The following GALNT13 variants were observed in gnomAD, a reference collection of about 807,000 sequenced individuals.
GALNT13 encodes the protein UDP-GalNAc:polypeptide N-acetylgalactosaminyltransferase 13.
A neutral mutation model predicts 64.2 loss-of-function variants in GALNT13; 28 were observed. That is an observed-to-expected ratio of 0.44 (90% CI 0.32 to 0.60). The LOEUF (loss-of-function observed/expected upper bound fraction) is 0.60. GALNT13 is among the 20% of genes least tolerant of loss of function. The pLI, the probability that GALNT13 is intolerant of heterozygous loss-of-function variation, is 0.05. For synonymous variants in GALNT13, 214 were observed against 224.6 expected, an observed-to-expected ratio of 0.95 and a Z score of 0.42; for missense variants, 577 against 669.8, an observed-to-expected ratio of 0.86 and a Z score of 1.53.
chr2:153,863,519 AG>A, the GALNT13 span, among the ~76,000 whole-genome samples: 1 of 152,232 alleles, frequency 6.6e-6, no homozygotes, highest in South Asian at 2.1e-4. Context: ...TGCATATAAG[AG>A]GGAGATATTT....
chr2:154,446,537 G>C, intron 12 of GALNT13: 1 of 1,512,282 alleles, frequency 6.6e-7, no homozygotes. Context: ...ACTTGATTTT[G>C]TCATTATTCG....
At chr2:153,178,658 T>C in the GALNT13 span, among the ~76,000 whole-genome samples, 1 of 151,984 alleles carries the variant, frequency 6.6e-6, no homozygotes, top group African/African-American at 2.4e-5. Flanking sequence ...ATCTATGGGT[T>C]GTCTCTTCAT....
intron 3 of GALNT13, among the ~76,000 whole-genome samples, chr2:154,054,046 T>A (rs10179562): frequency 0.05 from 7,644 of 152,238 alleles, 378 homozygotes; most frequent in African/African-American, 0.13. Flanking sequence ...TATTTTATAC[T>A]CACAATATTT....
At position 154,338,309 on chromosome 2, in the gene GALNT13, T is replaced by TTAG. The variant is rs553288242; in HGVS notation, c.1156+36722_1156+36724dup. On this transcript the variant is annotated intron_variant, in intron 9 of 12. Transcript: ENST00000392825. The stretch of plus-strand genomic sequence containing the variant: ...AATACAGAATAACCAATTTAAAATC[T>TTAG]TAGTCAACTTTATAGGTGAAAAGTC... 9.2e-5 allele frequency among the ~76,000 whole-genome samples: 14 copies of TTAG among 152,302 alleles called. No homozygotes were observed. In the South Asian group the frequency reaches 2.1e-3, roughly 23 times the overall value.
At chr2:154,184,536 A>G (rs1466227606) in intron 4 of GALNT13, among the ~76,000 whole-genome samples, 3 of 151,330 alleles carry the variant, frequency 2.0e-5, no homozygotes, top group South Asian at 2.1e-4. Context: ...CCTATTCTGT[A>G]TCATTTACAG....
At chr2:153,385,079 G>C in the GALNT13 span, among the ~76,000 whole-genome samples, 6 of 152,026 alleles carry the variant, frequency 3.9e-5, no homozygotes, top group African/African-American at 1.4e-4. Context: ...CTCATACACT[G>C]TTGGTAGCAA....
chr2:153,346,582 G>C, the GALNT13 span, among the ~76,000 whole-genome samples: 3 of 152,060 alleles, frequency 2.0e-5, no homozygotes, highest in Non-Finnish European at 4.4e-5. Flanking sequence ...CTGAAAACAT[G>C]CATTTTAATT....
chr2:153,267,565 G>T, the GALNT13 span, among the ~76,000 whole-genome samples: 1 of 152,200 alleles, frequency 6.6e-6, no homozygotes, highest in African/African-American at 2.4e-5. Flanking sequence ...GCTAGAGCTG[G>T]AGTGGCAGGA....
At chr2:153,262,742 A>T in the GALNT13 span, among the ~76,000 whole-genome samples, 1 of 152,334 alleles carries the variant, frequency 6.6e-6, no homozygotes, top group Admixed American at 6.5e-5. Context: ...CCAGAGATAA[A>T]GTTCAACATC....
intron 2 of GALNT13, among the ~76,000 whole-genome samples, chr2:153,913,680 T>C (rs1180208803): frequency 1.3e-5 from 2 of 152,298 alleles, no homozygotes; most frequent in East Asian, 3.9e-4. Context: ...TTGCTCCTTG[T>C]GTGTTCAACT....
chr2:153,937,923 G>A (rs1251572590), intron 2 of GALNT13, among the ~76,000 whole-genome samples: 1 of 152,182 alleles, frequency 6.6e-6, no homozygotes, highest in Non-Finnish European at 1.5e-5. Context: ...TAAAGCCTGT[G>A]AAGTTTAAGA....
the GALNT13 span, among the ~76,000 whole-genome samples, chr2:153,630,787 ATATATATATATATATATATATTTTTTT>A: frequency 1.9e-4 from 2 of 10,694 alleles, no homozygotes; most frequent in African/African-American, 3.1e-4. Flanking sequence ...ATATATATAT[ATATATATATATATATATATATTTTTTT>A]TTTTTTTTTT....
At chr2:153,792,085 A>T in the GALNT13 span, among the ~76,000 whole-genome samples, 1 of 152,176 alleles carries the variant, frequency 6.6e-6, no homozygotes, top group African/African-American at 2.4e-5. Context: ...ACATGGAAAA[A>T]AAATAAATAT....
chr2:153,983,551 A>G (rs183806656), intron 3 of GALNT13, among the ~76,000 whole-genome samples: 60 of 152,040 alleles, frequency 3.9e-4, no homozygotes, highest in Non-Finnish European at 1.3e-4. Flanking sequence ...ACATACACTG[A>G]AACGTTAAAT....
At chr2:153,772,974 T>C in the GALNT13 span, among the ~76,000 whole-genome samples, 23 of 152,296 alleles carry the variant, frequency 1.5e-4, no homozygotes, top group East Asian at 3.9e-3. Context: ...AGCTCTGCAA[T>C]TGAAGAGAGC....
chr2:154,202,174 A>G (rs1687206629), intron 4 of GALNT13, among the ~76,000 whole-genome samples: 1 of 152,138 alleles, frequency 6.6e-6, no homozygotes, highest in African/African-American at 2.4e-5. Flanking sequence ...CATATGTAAG[A>G]TGTTAATGGA....
At chr2:153,646,401 A>G in the GALNT13 span, among the ~76,000 whole-genome samples, 26,582 of 151,296 alleles carry the variant, frequency 0.18, 2,884 homozygotes, top group Non-Finnish European at 0.24. Flanking sequence ...AAGATAAAAC[A>G]ATTCTGAACT....
chr2:153,225,900 A>G, the GALNT13 span, among the ~76,000 whole-genome samples: 1 of 152,118 alleles, frequency 6.6e-6, no homozygotes, highest in Non-Finnish European at 1.5e-5. Flanking sequence ...ATCTTGCTCT[A>G]TAAATTCAAT....
At chr2:154,054,289 CTT>C (rs1699790146) in intron 3 of GALNT13, among the ~76,000 whole-genome samples, 1 of 151,698 alleles carries the variant, frequency 6.6e-6, no homozygotes, top group Non-Finnish European at 1.5e-5. Flanking sequence ...CTACCTTTCT[CTT>C]TACTTTTTCC....
Sources: allele counts gnomAD v4.1 joint callset (sites outside exome capture counted in the v4.1 genomes callset), GRCh38; gene constraint gnomAD v4.1.1; transcripts MANE v1.5; gene names NCBI Gene and HGNC (gene_info 2026-07-23, HGNC 2026-07-21).